Variants in OR51B5 observed in about 807,000 individuals in gnomAD.
The protein encoded by OR51B5 is olfactory receptor 51B5.
For synonymous variants in OR51B5, 186 were observed against 144.8 expected, an observed-to-expected ratio of 1.28 and a Z score of -2.04; for missense variants, 456 against 374.6, an observed-to-expected ratio of 1.22 and a Z score of -1.79.
chr11:5,343,676 C>G, upstream of OR51B5: 1 of 534,806 alleles, frequency 1.9e-6, no homozygotes, highest in Non-Finnish European at 3.3e-6. Flanking sequence ...TCTCAAAATA[C>G]ATTCTCAGGG....
At chr11:5,453,468 G>C (rs750561734) in intron 1 of OR51B5, 7 of 1,493,068 alleles carry the variant, frequency 4.7e-6, no homozygotes, top group Non-Finnish European at 5.4e-6. Context: ...ACTCTGAAAA[G>C]TACCCTAAGT....
intron 1 of OR51B5, among the ~76,000 whole-genome samples, chr11:5,387,296 A>G (rs1170900024): frequency 6.6e-6 from 1 of 152,148 alleles, no homozygotes; most frequent in Non-Finnish European, 1.5e-5. Context: ...AATCAATAAA[A>G]GCAGGTATGA....
At chr11:5,417,371 G>A (rs1850259565) in intron 1 of OR51B5, among the ~76,000 whole-genome samples, 1 of 152,010 alleles carries the variant, frequency 6.6e-6, no homozygotes, top group Non-Finnish European at 1.5e-5. Flanking sequence ...GCAAGGGCAA[G>A]GACTTCAGGT....
At chr11:5,423,176 C>G in intron 1 of OR51B5, 1 of 1,558,902 alleles carries the variant, frequency 6.4e-7, no homozygotes, top group Non-Finnish European at 8.7e-7. Context: ...TCTTAAATTA[C>G]TGACAAGTAT....
intron 1 of OR51B5, among the ~76,000 whole-genome samples, chr11:5,413,502 T>C (rs1850184482): frequency 6.6e-6 from 1 of 152,028 alleles, no homozygotes; most frequent in Non-Finnish European, 1.5e-5. Flanking sequence ...AGGAGGAAAT[T>C]CAAACCAAAG....
chr11:5,356,316 C>T (rs1433595756), intron 1 of OR51B5, among the ~76,000 whole-genome samples: 2 of 151,838 alleles, frequency 1.3e-5, no homozygotes, highest in Non-Finnish European at 2.9e-5. Flanking sequence ...GGCATGAGAA[C>T]TACATGATGA....
At chr11:5,426,642 A>G (rs927833807) in intron 1 of OR51B5, among the ~76,000 whole-genome samples, 1 of 152,202 alleles carries the variant, frequency 6.6e-6, no homozygotes, top group Admixed American at 6.5e-5. Flanking sequence ...TAGGGCACAA[A>G]AAAGCCCCTA....
intron 1 of OR51B5, among the ~76,000 whole-genome samples, chr11:5,419,951 C>A (rs1273340199): frequency 3.3e-5 from 5 of 151,154 alleles, no homozygotes; most frequent in Admixed American, 3.3e-4. Context: ...ATAATTAGAG[C>A]TTATGTTTCT....
chr11:5,504,957 A>G (rs906067813), intron 1 of OR51B5, among the ~76,000 whole-genome samples: 3 of 152,156 alleles, frequency 2.0e-5, no homozygotes, highest in African/African-American at 7.2e-5. Flanking sequence ...AGAATTATCC[A>G]CTAAATGAAC....
intron 1 of OR51B5, among the ~76,000 whole-genome samples, chr11:5,382,885 G>A (rs1427371765): frequency 1.3e-5 from 2 of 152,002 alleles, no homozygotes; most frequent in African/African-American, 2.4e-5. Context: ...TGTATGCCCC[G>A]TTTTGGAGCT....
chr11:5,355,981 C>A (rs1849187812), intron 1 of OR51B5, among the ~76,000 whole-genome samples: 3 of 151,722 alleles, frequency 2.0e-5, no homozygotes, highest in Admixed American at 2.0e-4. Context: ...ATCTGTACGT[C>A]ACCATCATCA....
rs143636267 is a variant in OR51B5 at position 5,351,167 on chromosome 11, A to G, written n.85-4257T>C. On this transcript the variant is annotated intron_variant and non_coding_transcript_variant, in intron 1 of 4. Transcript: ENST00000415970. ...ATAAGTTTCAGGCCATTACAGCACT[A>G]TTCAAATATAGTGATTTCTTCTTTC... Among the ~76,000 whole-genome samples, 286 of 152,320 alleles carry G rather than the reference A, an allele frequency of 1.9e-3. 1 individual carries two copies. Among genetic ancestry groups the G allele is most frequent in the Non-Finnish European group, 3.0e-3 (203 of 68,018 alleles).
downstream of OR51B5, chr11:5,340,552 C>T (rs952307823): frequency 6.6e-6 from 1 of 151,254 alleles, no homozygotes; most frequent in African/African-American, 2.4e-5. Flanking sequence ...TTTGGAGATA[C>T]AATGCAAAAT....
intron 1 of OR51B5, among the ~76,000 whole-genome samples, chr11:5,417,016 G>C (rs1390208874): frequency 6.8e-6 from 1 of 147,164 alleles, no homozygotes; most frequent in Non-Finnish European, 1.5e-5. Context: ...CACACTACCT[G>C]ACTTCAAACT....
upstream of OR51B5, among the ~76,000 whole-genome samples, chr11:5,344,465 A>G (rs1319450108): frequency 1.3e-5 from 2 of 152,144 alleles, no homozygotes; most frequent in African/African-American, 4.8e-5. Context: ...ATCCCCAGCC[A>G]TAGGCTTCTG....
intron 1 of OR51B5, among the ~76,000 whole-genome samples, chr11:5,498,781 A>G (rs1205751667): frequency 6.6e-6 from 1 of 152,230 alleles, no homozygotes; most frequent in Non-Finnish European, 1.5e-5. Context: ...CCCAGGTAAC[A>G]GATTTAATAG....
intron 1 of OR51B5, among the ~76,000 whole-genome samples, chr11:5,416,341 G>C (rs914193196): frequency 9.2e-5 from 14 of 151,584 alleles, no homozygotes; most frequent in Admixed American, 9.2e-4. Flanking sequence ...GCAAAAACTG[G>C]AAGCATTCCC....
chr11:5,461,121 C>T lies in OR51B5; in HGVS notation n.84+44448G>A, dbSNP rs530986157. Among the ~76,000 whole-genome samples, 113 of 152,288 alleles carry T rather than the reference C, an allele frequency of 7.4e-4. 1 individual carries two copies. The highest frequency in any genetic ancestry group is 9.4e-4 in the Non-Finnish European group (64 of 68,014). ...GGGGCTGCGTGTGAGGGTGCACAAG[C>T]GGATCACCCACTGATGGGGTGGCAA... On this transcript the variant is annotated intron_variant and non_coding_transcript_variant, in intron 1 of 4. Transcript: ENST00000415970.
chr11:5,377,317 A>G (rs1005965769), intron 1 of OR51B5, among the ~76,000 whole-genome samples: 4 of 152,192 alleles, frequency 2.6e-5, no homozygotes, highest in Non-Finnish European at 4.4e-5. Flanking sequence ...ATCTCAAAAT[A>G]ATAAGAGCTA....
Sources: gnomAD v4.1 joint callset for allele counts (sites outside exome capture counted in the v4.1 genomes callset) on GRCh38, gnomAD v4.1.1 for gene constraint, MANE v1.5 for transcripts, NCBI Gene and HGNC (gene_info 2026-07-23, HGNC 2026-07-21) for gene names.